Variants in RPL38 observed in about 807,000 individuals in gnomAD.
RPL38 encodes large ribosomal subunit protein eL38.
A neutral mutation model predicts 12.8 loss-of-function variants in RPL38; 2 were observed. That is an observed-to-expected ratio of 0.16 (90% CI 0.06 to 0.49). RPL38 has a LOEUF of 0.49. Ranked by LOEUF, RPL38 falls within the 20% of genes least tolerant of loss-of-function variation. The pLI, the probability that RPL38 is intolerant of heterozygous loss-of-function variation, is 0.96. For synonymous variants in RPL38, 42 were observed against 30.1 expected, an observed-to-expected ratio of 1.39 and a Z score of -1.29; for missense variants, 52 against 79.8, an observed-to-expected ratio of 0.65 and a Z score of 1.33.
At chr17:74,204,424 CCT>C in intron 3 of RPL38, 2 of 551,916 alleles carry the variant, frequency 3.6e-6, no homozygotes, top group Non-Finnish European at 6.5e-6. Context: ...CAGAGGCCGC[CCT>C]GAGTTCAGTT....
intron 3 of RPL38, among the ~76,000 whole-genome samples, chr17:74,207,458 C>T (rs2050125522): frequency 6.6e-6 from 1 of 152,136 alleles, no homozygotes; most frequent in African/African-American, 2.4e-5. Flanking sequence ...TGGTTGCTAT[C>T]TGTTCTTTGG....
At chr17:74,205,427 G>A (rs116596250) in intron 3 of RPL38, 1 of 152,254 alleles carries the variant, frequency 6.6e-6, no homozygotes. Flanking sequence ...CCAGACGGTG[G>A]TTGGTGTACA....
chr17:74,209,835 A>T lies in RPL38; in HGVS notation c.*6A>T. ...CAGTGAAGGAACTGAAATGAACCAG[A>T]CACACTGATTGGAACTGTATTATAT... On this transcript the variant is annotated 3_prime_UTR_variant, in exon 5 of 5. Transcript: ENST00000311111. 6.2e-7 allele frequency: 1 copy of T among 1,608,608 alleles called. No homozygotes were observed. Among genetic ancestry groups the T allele is most frequent in the Non-Finnish European group, 8.5e-7 (1 of 1,174,920 alleles).
At chr17:74,204,005 G>A (rs1326723839) in intron 2 of RPL38, 47 bp downstream of exon 2, 6 of 1,612,912 alleles carry the variant, frequency 3.7e-6, no homozygotes, top group African/African-American at 2.7e-5. Flanking sequence ...GGCTCGTGGG[G>A]CCCCGGGGCG....
At chr17:74,209,654 T>A (rs556011874) in intron 4 of RPL38, 150 bp from the exon 5 acceptor site, 6 of 718,304 alleles carry the variant, frequency 8.4e-6, no homozygotes, top group South Asian at 8.2e-5. Context: ...AGTCTTTTTA[T>A]CAAACACTAA....
intron 1 of RPL38, 80 bp from the exon 2 acceptor site, chr17:74,203,838 G>A: frequency 7.6e-7 from 1 of 1,308,198 alleles, no homozygotes; most frequent in South Asian, 1.5e-5. Flanking sequence ...CGATGGGGCC[G>A]ATATTTCGGG....
chr17:74,205,237 A>C (rs1459939746), intron 3 of RPL38: 1 of 152,136 alleles, frequency 6.6e-6, no homozygotes, highest in Non-Finnish European at 1.5e-5. Context: ...TACTTGAAGG[A>C]GATTGGGGGG....
Position 74,203,748 on chromosome 17 carries a change from A to G in RPL38, c.-39+3A>G. 3.2e-6 allele frequency: 2 copies of G among 615,850 alleles called. No individual in the cohort carries two copies. The highest frequency in any genetic ancestry group is 2.8e-5 in the East Asian group (1 of 36,154). The allele number at this position is 615,850 out of a possible 1,614,324, so 38.1% of individuals were successfully genotyped here. On this transcript the variant is annotated splice_donor_region_variant and intron_variant, in intron 1 of 4. Transcript: ENST00000311111. Reference sequence around the variant, plus strand: ...AGGGTGATACGTGGGTGAGAAAGGTAATCTGGGGCAATCCACTGCCAGGTG... The same window carrying G: ...AGGGTGATACGTGGGTGAGAAAGGTGATCTGGGGCAATCCACTGCCAGGTG...
intron 1 of RPL38, 40 bp from the exon 2 acceptor site, chr17:74,203,878 G>GC: frequency 6.6e-7 from 1 of 1,512,340 alleles, no homozygotes; most frequent in Non-Finnish European, 8.9e-7. Context: ...TTCGCTGCCA[G>GC]CCCCCGCGCC....
intron 3 of RPL38, among the ~76,000 whole-genome samples, chr17:74,208,985 T>C (rs568829760): frequency 2.2e-4 from 33 of 152,190 alleles, no homozygotes; most frequent in African/African-American, 7.5e-4. Context: ...GAAGATATTC[T>C]GTAATGTTGT....
intron 3 of RPL38, chr17:74,205,163 C>T (rs575786707): frequency 6.6e-6 from 1 of 152,378 alleles, no homozygotes; most frequent in East Asian, 1.9e-4. Flanking sequence ...GTGCCAATCT[C>T]TGCTGCCCAC....
intron 3 of RPL38, among the ~76,000 whole-genome samples, chr17:74,207,539 T>A (rs2050126640): frequency 6.6e-6 from 1 of 151,990 alleles, no homozygotes; most frequent in Non-Finnish European, 1.5e-5. Context: ...ATTTATTTTT[T>A]TTTTGAGATG....
intron 3 of RPL38, among the ~76,000 whole-genome samples, chr17:74,208,179 A>G (rs564418058): frequency 4.4e-4 from 67 of 152,282 alleles, no homozygotes; most frequent in Admixed American, 7.8e-4. Flanking sequence ...CATCACTGCT[A>G]TTATAACAAA....
chr17:74,209,932 C>T lies in RPL38; in HGVS notation c.*103C>T. Reference sequence around the variant, plus strand: ...AGGGAAAAATGCTACCTCGTAGTGGCTTCTGATGGGAACAGGACGCGGGTT... The same window carrying T: ...AGGGAAAAATGCTACCTCGTAGTGGTTTCTGATGGGAACAGGACGCGGGTT... On this transcript the variant is annotated 3_prime_UTR_variant, in exon 5 of 5. Coordinates refer to ENST00000311111, the MANE Select transcript of RPL38 (RefSeq NM_000999.4). The T allele has an allele frequency of 1.2e-6, 1 of 866,138 alleles. No individual in the cohort carries two copies. Among genetic ancestry groups the T allele is most frequent in the South Asian group, 1.4e-5 (1 of 73,664 alleles). 53.7% of individuals were successfully genotyped at this position (866,138 alleles called of 1,614,324 possible).
chr17:74,209,206 T>C lies in RPL38; in HGVS notation c.84T>C (p.Asn28=). 1 of 1,613,758 alleles carries C rather than the reference T, an allele frequency of 6.2e-7. No individual in the cohort carries two copies. The highest frequency in any genetic ancestry group is 8.5e-7 in the Non-Finnish European group (1 of 1,179,880). Residue 28 remains asparagine (N), a synonymous_variant, in exon 4 of 5, where the codon AAT becomes AAC. Transcript: ENST00000311111. The part of the protein sequence containing the change: ...KDAKSVKIKK[N]KDNVKFKVRC... ...CGGTAGCTGTCAAGATCAAGAAAAA[T>C]AAGGACAACGTGAAGTTTAAAGTTC...
At chr17:74,209,491 G>A (rs990614794) in intron 4 of RPL38, 182 bp downstream of exon 4, 21 of 722,410 alleles carry the variant, frequency 2.9e-5, no homozygotes, top group Admixed American at 6.0e-5. Context: ...TACAGTACCA[G>A]AAATCATTTC....
chr17:74,208,348 C>G (rs2050133826), intron 3 of RPL38, among the ~76,000 whole-genome samples: 1 of 152,170 alleles, frequency 6.6e-6, no homozygotes, highest in Non-Finnish European at 1.5e-5. Flanking sequence ...ACGATTCAAA[C>G]CCCACACAGC....
Position 74,203,721 on chromosome 17 carries a change from C to T in RPL38, c.-63C>T, listed in dbSNP as rs76423818. On this transcript the variant is annotated 5_prime_UTR_variant, in exon 1 of 5. Coordinates refer to ENST00000311111, the MANE Select transcript of RPL38 (RefSeq NM_000999.4). ...CGGTTGCTGCTTGCTGTGAGTGTCTCTAGGGTGATACGTGGGTGAGAAAGG... is the reference window on the plus strand; with the variant it reads ...CGGTTGCTGCTTGCTGTGAGTGTCTTTAGGGTGATACGTGGGTGAGAAAGG... 1.4e-3 allele frequency: 834 copies of T among 598,246 alleles called. 5 individuals carry two copies. The highest frequency in any genetic ancestry group is 0.011 in the African/African-American group (601 of 53,854). The allele number at this position is 598,246 out of a possible 1,614,324, so 37.1% of individuals were successfully genotyped here.
intron 3 of RPL38, 116 bp from the exon 4 acceptor site, chr17:74,209,071 C>A: frequency 9.5e-7 from 1 of 1,055,022 alleles, no homozygotes; most frequent in South Asian, 1.4e-5. Context: ...AGGGATGGTA[C>A]TGGAGGTGGG....
Sources: allele counts gnomAD v4.1 joint callset (sites outside exome capture counted in the v4.1 genomes callset), GRCh38; gene constraint gnomAD v4.1.1; transcripts MANE v1.5; gene names NCBI Gene and HGNC (gene_info 2026-07-23, HGNC 2026-07-21).